The following IL13 variants were observed in gnomAD, a reference collection of about 807,000 sequenced individuals.
The protein encoded by IL13 is interleukin-13.
Under a neutral mutation model 11.1 loss-of-function variants are expected in IL13, and 9 were observed. That is an observed-to-expected ratio of 0.81 (90% CI 0.49 to 1.42). The LOEUF is 1.42. IL13 is among the 40% of genes most tolerant of loss of function. The probability of loss-of-function intolerance (pLI) is 0.00; values close to 1 mark genes in which losing one functional copy is unlikely to be tolerated. For synonymous variants in IL13, 75 were observed against 76.9 expected, an observed-to-expected ratio of 0.97 and a Z score of 0.13; for missense variants, 181 against 182.5, an observed-to-expected ratio of 0.99 and a Z score of 0.05.
chr5:132,660,092 A>G lies in IL13; in HGVS notation c.334-83A>G, dbSNP rs1752120322. ...GGGACTTCCGTGAGGACTGAATGAG[A>G]CAGTCCCTGGAAAGCCCCTGGTTTG... On this transcript the variant is annotated intron_variant, in intron 3 of 3. Coordinates refer to ENST00000304506, the MANE Select transcript of IL13 (RefSeq NM_002188.3). 35 of 1,409,506 alleles carry G rather than the reference A, an allele frequency of 2.5e-5. No homozygotes were observed. The South Asian group carries it at 4.3e-4, about 17-fold the overall frequency. 87.3% of individuals were successfully genotyped at this position (1,409,506 alleles called of 1,614,324 possible).
upstream of IL13, among the ~76,000 whole-genome samples, chr5:132,657,828 T>G (rs1298313826): frequency 2.0e-5 from 3 of 152,204 alleles, no homozygotes; most frequent in Non-Finnish European, 4.4e-5. Context: ...CAAAAGGGTC[T>G]GAGGACAGGA....
chr5:132,658,327 T>G lies in IL13; in HGVS notation c.141T>G (p.Ile47Met). ...CCTCTACAGCCCTCAGGGAGCTCAT[T>G]GAGGAGCTGGTCAACATCACCCAGA... is the stretch of plus-strand genomic sequence containing the variant. ...VPPSTALREL[I>M]EELVNITQNQ... The change falls in exon 1 of 4, where the codon ATT becomes ATG. Residue 47 changes from isoleucine to methionine, a missense_variant. Physicochemically the swap from Ile to Met is conservative, Grantham distance 10. Transcript: ENST00000304506. The G allele has an allele frequency of 6.2e-7, 1 of 1,611,788 alleles. No homozygotes were observed. Among genetic ancestry groups the G allele is most frequent in the Non-Finnish European group, 8.5e-7 (1 of 1,178,118 alleles).
In IL13 at chr5:132,658,249, G is replaced by A. The variant is rs1363496826; in HGVS notation, c.63G>A (p.Thr21=). Residue 21 remains threonine, a synonymous_variant, in exon 1 of 4, where the codon ACG becomes ACA. Coordinates refer to ENST00000304506, the MANE Select transcript of IL13 (RefSeq NM_002188.3). ...ALGLMALLLT[T]VIALTCLGGF... ...GCCTCATGGCGCTTTTGTTGACCAC[G>A]GTCATTGCTCTCACTTGCCTTGGCG... 7.5e-6 allele frequency: 12 copies of A among 1,610,442 alleles called. No homozygotes were observed. In the East Asian group the frequency reaches 8.9e-5, roughly 12 times the overall value.
intron 1 of IL13, chr5:132,658,609 C>G: frequency 2.3e-6 from 1 of 425,942 alleles, no homozygotes; most frequent in East Asian, 3.8e-5. Flanking sequence ...CTGGCCTTGT[C>G]TGCCACTGCC....
At chr5:132,657,870 A>AGGG (rs1581034155), upstream of IL13, among the ~76,000 whole-genome samples, 1 of 152,188 alleles carries the variant, frequency 6.6e-6, no homozygotes, top group African/African-American at 2.4e-5. Context: ...CCAGGTACTC[A>AGGG]GGGTTGTCAC....
Position 132,659,206 on chromosome 5 carries a change from G to T in IL13, c.175-212G>T. On this transcript the variant is annotated intron_variant, in intron 1 of 3. Coordinates refer to ENST00000304506, the MANE Select transcript of IL13 (RefSeq NM_002188.3). This position sits in a 1 kb window ranked among gnomAD's most constrained non-coding sequence, Gnocchi z 4.1. ...TAGTGGTGTCAATTTTTTTCTCTCA[G>T]CTCCAAGACCCTAAACAGTGGGACC... The T allele has an allele frequency of 3.6e-6, 2 of 559,292 alleles. No homozygotes were observed. The highest frequency in any genetic ancestry group is 4.1e-5 in the South Asian group (2 of 49,136). 34.6% of individuals were successfully genotyped at this position (559,292 alleles called of 1,614,324 possible).
Position 132,659,889 on chromosome 5 carries a change from G to A in IL13, c.333+61G>A, listed in dbSNP as rs1009486089. ...ACCCCCTCCTGCCAACCCTGGGCTC[G>A]CTGAAGGGAAGCTGGCTGAATATCC... On this transcript the variant is annotated intron_variant, in intron 3 of 3. Coordinates refer to ENST00000304506, the MANE Select transcript of IL13 (RefSeq NM_002188.3). This position sits in a 1 kb window ranked among gnomAD's most constrained non-coding sequence, Gnocchi z 4.1. The A allele has an allele frequency of 5.1e-5, 81 of 1,584,986 alleles. 2 individuals carry two copies. In the East Asian group the frequency reaches 5.2e-4, roughly 10 times the overall value.
upstream of IL13, among the ~76,000 whole-genome samples, chr5:132,657,455 C>T (rs893652977): frequency 1.3e-5 from 2 of 152,142 alleles, no homozygotes; most frequent in Middle Eastern, 3.4e-3. Flanking sequence ...AGTTGGAGGC[C>T]AGCCTAGGCA....
intron 1 of IL13, 167 bp downstream of exon 1, chr5:132,658,527 G>T: frequency 1.7e-6 from 1 of 571,756 alleles, no homozygotes; most frequent in Non-Finnish European, 3.1e-6. Flanking sequence ...AGCTGGGCTG[G>T]GGGGCTCAGC....
upstream of IL13, among the ~76,000 whole-genome samples, chr5:132,657,556 T>C (rs1458537109): frequency 6.6e-6 from 1 of 152,110 alleles, no homozygotes. Flanking sequence ...TCTGAATCTT[T>C]CTGGATCTCT....
Position 132,660,720 on chromosome 5 carries a change from C to T in IL13, c.*438C>T, listed in dbSNP as rs181825588. The T allele has an allele frequency of 1.7e-5, 3 of 176,874 alleles. No individual in the cohort carries two copies. The highest frequency in any genetic ancestry group is 1.6e-4 in the Admixed American group (3 of 18,470). 11.0% of individuals were successfully genotyped at this position (176,874 alleles called of 1,614,324 possible). ...GTGTTATTTAAATGAGTGTGTTTGTCACCGTTGGGGATTGGGGAAGACTGT... is the reference window on the plus strand; with the variant it reads ...GTGTTATTTAAATGAGTGTGTTTGTTACCGTTGGGGATTGGGGAAGACTGT... On this transcript the variant is annotated 3_prime_UTR_variant, in exon 4 of 4. Transcript: ENST00000304506.
chr5:132,658,032 T>C, upstream of IL13: 2 of 552,902 alleles, frequency 3.6e-6, no homozygotes, highest in Non-Finnish European at 6.4e-6. Flanking sequence ...CTCTTTCCTT[T>C]ATGCGACACT....
At chr5:132,656,722 TCA>T (rs2069738), upstream of IL13, 6,699 of 152,248 alleles carry the variant, frequency 0.044, 468 homozygotes, top group African/African-American at 0.15. Context: ...CGTAGAGGGG[TCA>T]CACGGCCAAG....
rs762414781 is a variant in IL13, at chr5:132,660,186, C to T, written c.345C>T (p.Ser115=). The T allele has an allele frequency of 1.2e-6, 2 of 1,614,128 alleles. No individual in the cohort carries two copies. The highest frequency in any genetic ancestry group is 1.7e-5 in the Admixed American group (1 of 60,026). ...TCTTTGTCCTGCAGCAGTTTTCCAG[C>T]TTGCATGTCCGAGACACCAAAATCG... is the stretch of plus-strand genomic sequence containing the variant. ...PHKVSAGQFS[S]LHVRDTKIEV... Residue 115 remains serine, a synonymous_variant, in exon 4 of 4, where the codon AGC becomes AGT. Coordinates refer to ENST00000304506, the MANE Select transcript of IL13 (RefSeq NM_002188.3).
At position 132,659,935 on chromosome 5, in the gene IL13, G is replaced by T; in HGVS notation, c.333+107G>T. On this transcript the variant is annotated intron_variant, in intron 3 of 3. Transcript: ENST00000304506. This position sits in a 1 kb window ranked among gnomAD's most constrained non-coding sequence, Gnocchi z 4.1. ...TATCCATGGTGTGTGTCCACCCAGG[G>T]GTGGGGCCATTGTGGCAGCAGGGAC... The T allele has an allele frequency of 6.7e-7, 1 of 1,503,602 alleles. No homozygotes were observed. The highest frequency in any genetic ancestry group is 1.4e-5 in the African/African-American group (1 of 72,282). 93.1% of individuals were successfully genotyped at this position (1,503,602 alleles called of 1,614,324 possible).
rs200638839 is a variant in IL13 at position 132,658,294 on chromosome 5, T to C, written c.108T>C (p.Pro36=). ...TCLGGFASPG[P]VPPSTALREL... is the part of the protein sequence containing the mutation. Reference sequence around the variant, plus strand: ...TTGGCGGCTTTGCCTCCCCAGGCCCTGTGCCTCCCTCTACAGCCCTCAGGG... The same window carrying C: ...TTGGCGGCTTTGCCTCCCCAGGCCCCGTGCCTCCCTCTACAGCCCTCAGGG... Residue 36 remains proline (P), a synonymous_variant, in exon 1 of 4, where the codon CCT becomes CCC. Transcript: ENST00000304506. 2 of 1,609,494 alleles carry C rather than the reference T, an allele frequency of 1.2e-6. No individual in the cohort carries two copies. The highest frequency in any genetic ancestry group is 1.7e-6 in the Non-Finnish European group (2 of 1,175,784).
intron 3 of IL13, 118 bp from the exon 4 acceptor site, chr5:132,660,057 C>A: frequency 8.0e-7 from 1 of 1,246,812 alleles, no homozygotes; most frequent in Non-Finnish European, 1.1e-6. Flanking sequence ...CTAACAGTAC[C>A]CACCTCATGG....
Position 132,659,298 on chromosome 5 carries a change from G to GC in IL13, c.175-118dup. 2 of 735,846 alleles carry GC rather than the reference G, an allele frequency of 2.7e-6. No homozygotes were observed. The allele number at this position is 735,846 out of a possible 1,614,324, so 45.6% of individuals were successfully genotyped here. ...GGAATGCTGAGGGGCTGCCAGGCCT[G>GC]CCTCTGTGCCACACCAGGGATGCTT... On this transcript the variant is annotated intron_variant, in intron 1 of 3. Coordinates refer to ENST00000304506, the MANE Select transcript of IL13 (RefSeq NM_002188.3). The surrounding 1 kb of genome is among the most constrained non-coding windows in gnomAD (Gnocchi z 4.1).
rs1403171825 is a variant in IL13, at chr5:132,659,341, G to T, written c.175-77G>T. The T allele has an allele frequency of 1.9e-6, 2 of 1,036,988 alleles. No homozygotes were observed. The highest frequency in any genetic ancestry group is 1.5e-6 in the Non-Finnish European group (1 of 675,282). 64.2% of individuals were successfully genotyped at this position (1,036,988 alleles called of 1,614,324 possible). The stretch of plus-strand genomic sequence containing the variant: ...GGATGCTTGTGGGGCCTGTGCTGGG[G>T]CAGACCTGGCCTGGGCTGCCAGGGC... On this transcript the variant is annotated intron_variant, in intron 1 of 3. Transcript: ENST00000304506. This position sits in a 1 kb window ranked among gnomAD's most constrained non-coding sequence, Gnocchi z 4.1.
Sources: allele counts gnomAD v4.1 joint callset (sites outside exome capture counted in the v4.1 genomes callset), GRCh38; gene constraint gnomAD v4.1.1; non-coding constraint Gnocchi (gnomAD v3.1); transcripts MANE v1.5; gene names NCBI Gene and HGNC (gene_info 2026-07-23, HGNC 2026-07-21).